Variants in PLEKHG4B observed in about 807,000 individuals in gnomAD.
PLEKHG4B encodes the protein pleckstrin homology and RhoGEF domain containing G4B.
A neutral mutation model predicts 121.3 loss-of-function variants in PLEKHG4B; 111 were observed. The observed-to-expected ratio is 0.92, with a 90% confidence interval of 0.78 to 1.07. The LOEUF (loss-of-function observed/expected upper bound fraction) is 1.07. PLEKHG4B is among the 50% of genes least tolerant of loss of function. The probability of loss-of-function intolerance (pLI) is 0.00; values close to 1 mark genes in which losing one functional copy is unlikely to be tolerated. For synonymous variants in PLEKHG4B, 738 were observed against 725.0 expected, an observed-to-expected ratio of 1.02 and a Z score of -0.29; for missense variants, 1,831 against 1,757.8, an observed-to-expected ratio of 1.04 and a Z score of -0.74.
rs1227697711 is a variant in PLEKHG4B, at chr5:159,383, C to T, written c.2488-2400C>T. ...ATTCTGTGACATCCTTCGTGGCGCTCGCATTTCCCACAGCTCCACACTTCC... is the reference window on the plus strand; with the variant it reads ...ATTCTGTGACATCCTTCGTGGCGCTTGCATTTCCCACAGCTCCACACTTCC... On this transcript the variant is annotated intron_variant, in intron 11 of 19. Transcript: ENST00000637938. This position sits in a 1 kb window ranked among gnomAD's most constrained non-coding sequence, Gnocchi z 5.5. 2.6e-5 allele frequency among the ~76,000 whole-genome samples: 4 copies of T among 151,838 alleles called. No individual in the cohort carries two copies. Among genetic ancestry groups the T allele is most frequent in the Non-Finnish European group, 5.9e-5 (4 of 67,880 alleles).
At chr5:120,888 ATAAG>A (rs1196336580) in intron 2 of PLEKHG4B, among the ~76,000 whole-genome samples, 1 of 152,162 alleles carries the variant, frequency 6.6e-6, no homozygotes, top group Admixed American at 6.5e-5. Context: ...TAAATAACCT[ATAAG>A]TAATATGGCA....
intron 6 of PLEKHG4B, among the ~76,000 whole-genome samples, chr5:146,684 C>T (rs1166417935): frequency 1.5e-5 from 2 of 132,136 alleles, no homozygotes; most frequent in East Asian, 5.0e-4. Flanking sequence ...CCTCTCCTCC[C>T]CCACAGTCCT....
intron 13 of PLEKHG4B, among the ~76,000 whole-genome samples, chr5:165,093 C>A (rs1579314821): frequency 1.9e-5 from 2 of 103,994 alleles, no homozygotes; most frequent in African/African-American, 3.5e-5. Flanking sequence ...GGGCGGGGCT[C>A]ACACTAATGC....
intron 18 of PLEKHG4B, among the ~76,000 whole-genome samples, chr5:179,293 TTGAG>T (rs1189749752): frequency 6.6e-6 from 1 of 152,196 alleles, no homozygotes; most frequent in Non-Finnish European, 1.5e-5. Context: ...TGGGTATAAA[TTGAG>T]TATCTTACTC....
intron 1 of PLEKHG4B, among the ~76,000 whole-genome samples, chr5:107,569 C>T (rs548132588): frequency 3.3e-5 from 5 of 152,350 alleles, no homozygotes; most frequent in Non-Finnish European, 5.9e-5. Context: ...CCTCTTCTTC[C>T]GGGAAGCTGG....
At chr5:180,490 C>T (rs1484050546) in intron 18 of PLEKHG4B, among the ~76,000 whole-genome samples, 1 of 152,204 alleles carries the variant, frequency 6.6e-6, no homozygotes, top group Admixed American at 6.5e-5. Flanking sequence ...CAGCAGTGCC[C>T]TGAGGGGTAG....
chr5:157,278 G>A lies in PLEKHG4B; in HGVS notation c.2487+367G>A, dbSNP rs1735816942. ...GAGAAGCCGAGGTGAAACCGACACA[G>A]GTAGAGAGAGTCTGGGCCAAGGTTG... On this transcript the variant is annotated intron_variant, in intron 11 of 19. Coordinates refer to ENST00000637938, the MANE Select transcript of PLEKHG4B (RefSeq NM_052909.5). The surrounding 1 kb of genome is among the most constrained non-coding windows in gnomAD (Gnocchi z 4.6). Among the ~76,000 whole-genome samples, 1 of 152,102 alleles carries A rather than the reference G, an allele frequency of 6.6e-6. No homozygotes were observed. Among genetic ancestry groups the A allele is most frequent in the Non-Finnish European group, 1.5e-5 (1 of 68,040 alleles).
At chr5:109,790 T>A (rs1396176947) in intron 1 of PLEKHG4B, among the ~76,000 whole-genome samples, 1 of 152,230 alleles carries the variant, frequency 6.6e-6, no homozygotes, top group Non-Finnish European at 1.5e-5. Context: ...ATTGGCTAAG[T>A]GATTGCACAG....
chr5:108,554 G>A (rs111944060), intron 1 of PLEKHG4B, among the ~76,000 whole-genome samples: 453 of 133,874 alleles, frequency 3.4e-3, no homozygotes, highest in Non-Finnish European at 4.8e-3. Flanking sequence ...AGACAGACTG[G>A]GTGCAGATGG....
chr5:123,413 T>G (rs888269262), intron 2 of PLEKHG4B, among the ~76,000 whole-genome samples: 2 of 152,174 alleles, frequency 1.3e-5, no homozygotes, highest in African/African-American at 4.8e-5. Context: ...AAGTATTCCC[T>G]CCTCTTTAAT....
intron 6 of PLEKHG4B, among the ~76,000 whole-genome samples, chr5:151,093 A>G (rs1221173031): frequency 6.6e-6 from 1 of 152,194 alleles, no homozygotes; most frequent in East Asian, 1.9e-4. Flanking sequence ...GCCTGAGTCT[A>G]TTTATGTCTA....
chr5:92,518 A>AGG (rs2126319640), intron 1 of PLEKHG4B, among the ~76,000 whole-genome samples: 2 of 8,218 alleles, frequency 2.4e-4, no homozygotes, highest in African/African-American at 5.5e-4. Flanking sequence ...GCGAGCATCA[A>AGG]GGCGGGCGGG....
chr5:154,152 C>T (rs10214258), intron 7 of PLEKHG4B, among the ~76,000 whole-genome samples: 10,372 of 152,058 alleles, frequency 0.068, 592 homozygotes, highest in African/African-American at 0.16. Context: ...ACCACAGGTG[C>T]ACACCACCAT....
chr5:181,589 C>G lies in PLEKHG4B; in HGVS notation c.4478C>G (p.Thr1493Ser). The change falls in exon 19 of 20, where the codon ACC becomes AGC. Residue 1493 changes from threonine to serine, a missense_variant. Coordinates refer to ENST00000637938, the MANE Select transcript of PLEKHG4B (RefSeq NM_052909.5). ...ATGGATGTCAAGCCCAGAGACCGGA[C>G]CCCTGACTGTGCAGTGATAAGCGAC... ...PFMDVKPRDR[T>S]PDCAVISDRA... 6.2e-7 allele frequency: 1 copy of G among 1,614,090 alleles called. No homozygotes were observed. Among genetic ancestry groups the G allele is most frequent in the East Asian group, 2.2e-5 (1 of 44,886 alleles).
Position 140,374 on chromosome 5 carries a change from A to C in PLEKHG4B, c.1135A>C (p.Ser379Arg). 6.4e-7 allele frequency: 1 copy of C among 1,551,938 alleles called. No individual in the cohort carries two copies. Among genetic ancestry groups the C allele is most frequent in the South Asian group, 1.2e-5 (1 of 83,652 alleles). Residue 379 changes from serine to arginine, a missense_variant, in exon 3 of 20, where the codon AGC becomes CGC. Physicochemically the swap from Ser to Arg is moderately radical, Grantham distance 110 (BLOSUM62 -1). Transcript: ENST00000637938. ...GGAGGCCCTCGGGGACCTGGCCTGC[A>C]GCTCCCTGACTGGAGCCAGCAGGGA... ...SEEALGDLACSSLTGASRDLG... is the reference protein window; with the variant it reads ...SEEALGDLACRSLTGASRDLG...
intron 18 of PLEKHG4B, among the ~76,000 whole-genome samples, chr5:180,763 G>A (rs1736906698): frequency 6.6e-6 from 1 of 152,162 alleles, no homozygotes. Context: ...CCTGTTCACT[G>A]CCCAACTCCA....
chr5:131,879 G>GT (rs1209346631), intron 2 of PLEKHG4B, among the ~76,000 whole-genome samples: 6 of 152,166 alleles, frequency 3.9e-5, no homozygotes. Flanking sequence ...GATGAGCATA[G>GT]TTTCATGTGT....
intron 5 of PLEKHG4B, 55 bp from the exon 6 acceptor site, chr5:144,772 T>A: frequency 6.7e-7 from 1 of 1,496,396 alleles, no homozygotes; most frequent in Non-Finnish European, 9.3e-7. Context: ...AGAAACTCGT[T>A]CTTGTAAGAG....
At chr5:181,821 T>A in intron 19 of PLEKHG4B, 146 bp downstream of exon 19, 1 of 1,329,320 alleles carries the variant, frequency 7.5e-7, no homozygotes, top group Non-Finnish European at 1.0e-6. Context: ...TACGGTGGCC[T>A]CGGCCCCGCC....
Sources: gnomAD v4.1 joint callset for allele counts (sites outside exome capture counted in the v4.1 genomes callset) on GRCh38, gnomAD v4.1.1 for gene constraint, Gnocchi (gnomAD v3.1) non-coding constraint, MANE v1.5 for transcripts, NCBI Gene and HGNC (gene_info 2026-07-23, HGNC 2026-07-21) for gene names.